Variants in ERLEC1 observed in about 807,000 individuals in gnomAD.
ERLEC1 encodes ER lectin.
ERLEC1 carries 47 observed loss-of-function variants against 68.0 expected under a neutral mutation model. The ratio of observed to expected loss-of-function variants is 0.69; its 90% confidence interval spans 0.55 to 0.88. The LOEUF (loss-of-function observed/expected upper bound fraction) is 0.88. ERLEC1 is among the 40% of genes least tolerant of loss of function. The pLI is 0.00. For synonymous variants in ERLEC1, 225 were observed against 203.2 expected (o/e 1.11, Z -0.91); for missense variants, 567 against 583.8 (o/e 0.97, Z 0.30).
intron 8 of ERLEC1, among the ~76,000 whole-genome samples, chr2:53,807,305 T>C (rs1403242591): frequency 1.3e-5 from 2 of 152,228 alleles, no homozygotes; most frequent in Non-Finnish European, 2.9e-5. Flanking sequence ...CAAGAATTGA[T>C]TAAGAGTTTT....
In ERLEC1 at chr2:53,795,454, ACACACG is replaced by A. The variant is rs979337987; in HGVS notation, c.268-472_268-467del. 1.5e-3 allele frequency among the ~76,000 whole-genome samples: 223 copies of A among 152,332 alleles called. 1 individual carries two copies. Among genetic ancestry groups the A allele is most frequent in the African/African-American group, 5.2e-3 (217 of 41,572 alleles). Reference sequence around the variant, plus strand: ...TTTTAAGTCTCCTTGAGACACACACACACACGCACACGGCATTCAAATCTGAAATGT... The same window carrying A: ...TTTTAAGTCTCCTTGAGACACACACACACACGGCATTCAAATCTGAAATGT... On this transcript the variant is annotated intron_variant, in intron 2 of 13. Transcript: ENST00000185150.
intron 5 of ERLEC1, among the ~76,000 whole-genome samples, chr2:53,798,056 G>A (rs1017324525): frequency 6.6e-6 from 1 of 152,022 alleles, no homozygotes; most frequent in Non-Finnish European, 1.5e-5. Flanking sequence ...TTAGCCGGGC[G>A]TGGTGGCAGA....
intron 1 of ERLEC1, 132 bp from the exon 2 acceptor site, chr2:53,794,213 C>T: frequency 2.0e-6 from 1 of 510,430 alleles, no homozygotes; most frequent in Non-Finnish European, 3.5e-6. Context: ...CATATTTTCC[C>T]TCCCTTTAAA....
chr2:53,805,142 C>A (rs1398453001), intron 8 of ERLEC1, among the ~76,000 whole-genome samples: 5 of 151,780 alleles, frequency 3.3e-5, no homozygotes. Flanking sequence ...CCTGCCTCAG[C>A]CTCCTGAGTA....
chr2:53,804,245 A>G (rs1676159087), intron 8 of ERLEC1, among the ~76,000 whole-genome samples: 1 of 151,898 alleles, frequency 6.6e-6, no homozygotes, highest in African/African-American at 2.4e-5. Context: ...TTTTACATAT[A>G]CTCTTTTGTT....
chr2:53,803,381 A>G (rs17045241), intron 8 of ERLEC1, among the ~76,000 whole-genome samples: 11,353 of 152,256 alleles, frequency 0.075, 710 homozygotes, highest in East Asian at 0.29. Flanking sequence ...ATACTGGCAC[A>G]TACTTAAAAG....
At chr2:53,810,310 A>G (rs1676522897) in intron 10 of ERLEC1, among the ~76,000 whole-genome samples, 1 of 152,104 alleles carries the variant, frequency 6.6e-6, no homozygotes, top group African/African-American at 2.4e-5. Context: ...TCTCTACAAA[A>G]AATTTTAAAA....
chr2:53,794,302 A>G (rs374582392), intron 1 of ERLEC1, 43 bp from the exon 2 acceptor site: 110 of 863,484 alleles, frequency 1.3e-4, no homozygotes, highest in Middle Eastern at 4.6e-4. Context: ...GTGTGATACA[A>G]TTTCACGGAG....
chr2:53,818,095 A>G lies in ERLEC1; in HGVS notation c.*126A>G. 1 of 640,018 alleles carries G rather than the reference A, an allele frequency of 1.6e-6. No homozygotes were observed. Among genetic ancestry groups the G allele is most frequent in the East Asian group, 2.6e-5 (1 of 37,808 alleles). 39.6% of individuals were successfully genotyped at this position (640,018 alleles called of 1,614,324 possible). On this transcript the variant is annotated 3_prime_UTR_variant, in exon 14 of 14. Transcript: ENST00000185150. ...AAAGGATGGTATAAAATGACTCTCA[A>G]CCACTTTGTGAATACATATGTGTAT...
At chr2:53,797,398 A>C in intron 3 of ERLEC1, 117 bp from the exon 4 acceptor site, 1 of 683,284 alleles carries the variant, frequency 1.5e-6, no homozygotes. Context: ...TATAAGTGTC[A>C]TTTAATGAAA....
chr2:53,814,184 C>T lies in ERLEC1; in HGVS notation c.1227-359C>T, dbSNP rs147146462. On this transcript the variant is annotated intron_variant, in intron 11 of 13. Coordinates refer to ENST00000185150, the MANE Select transcript of ERLEC1 (RefSeq NM_015701.5). ...TTAATGGGAGTAGCTTGATGGAGGA[C>T]GGAAGCAAAGAACTGTTTTACAAAA... Among the ~76,000 whole-genome samples the T allele has an allele frequency of 1.4e-4, 22 of 151,958 alleles. No homozygotes were observed. The East Asian group carries it at 3.5e-3, about 24-fold the overall frequency.
chr2:53,797,659 A>T, intron 4 of ERLEC1, 67 bp downstream of exon 4: 1 of 1,558,964 alleles, frequency 6.4e-7, no homozygotes, highest in Non-Finnish European at 8.8e-7. Flanking sequence ...TGAGATTGAT[A>T]GTTTTAAAGT....
chr2:53,799,001 A>G (rs1196295781), intron 5 of ERLEC1, 46 bp from the exon 6 acceptor site: 2 of 1,580,496 alleles, frequency 1.3e-6, no homozygotes, highest in Admixed American at 1.7e-5. Context: ...CATTTGTACC[A>G]CATATGTCAC....
chr2:53,799,167 CT>C, intron 6 of ERLEC1, 86 bp downstream of exon 6: 1 of 1,084,380 alleles, frequency 9.2e-7, no homozygotes, highest in Non-Finnish European at 1.4e-6. Flanking sequence ...CAGAATATAT[CT>C]TTATGTTCTT....
intron 11 of ERLEC1, among the ~76,000 whole-genome samples, chr2:53,813,950 T>C (rs114311990): frequency 0.02 from 3,021 of 152,292 alleles, 32 homozygotes; most frequent in Middle Eastern, 0.058. Context: ...CCCACAGACA[T>C]TTAATTATTG....
At chr2:53,816,265 GTTTT>G (rs57918616) in intron 13 of ERLEC1, among the ~76,000 whole-genome samples, 3 of 121,798 alleles carry the variant, frequency 2.5e-5, no homozygotes, top group East Asian at 4.7e-4. Flanking sequence ...GTTTTGGTTG[GTTTT>G]TTTTTTTTTT....
intron 12 of ERLEC1, 36 bp downstream of exon 12, chr2:53,814,656 G>T (rs367895248): frequency 1.1e-5 from 16 of 1,479,034 alleles, no homozygotes; most frequent in African/African-American, 1.4e-5. Flanking sequence ...GTATGCCTTT[G>T]TCTTTTAACT....
At position 53,808,284 on chromosome 2, in the gene ERLEC1, T is replaced by G. The variant is rs1322409233; in HGVS notation, c.880-15T>G. On this transcript the variant is annotated splice_polypyrimidine_tract_variant and intron_variant, in intron 8 of 13. Transcript: ENST00000185150. ...TTTGGCATGGAAACCCTTAAACGTG[T>G]GTGTTTAATTTTAGGAAGATTTGCA... 5 of 1,610,020 alleles carry G rather than the reference T, an allele frequency of 3.1e-6. No individual in the cohort carries two copies. The highest frequency in any genetic ancestry group is 4.2e-6 in the Non-Finnish European group (5 of 1,178,916).
intron 9 of ERLEC1, 97 bp from the exon 10 acceptor site, chr2:53,809,117 G>C: frequency 1.2e-6 from 1 of 826,066 alleles, no homozygotes; most frequent in South Asian, 1.7e-5. Context: ...TGCTTTTACA[G>C]GTTTTAAAAA....
Sources: allele counts gnomAD v4.1 joint callset (sites outside exome capture counted in the v4.1 genomes callset), GRCh38; gene constraint gnomAD v4.1.1; transcripts MANE v1.5; gene names NCBI Gene and HGNC (gene_info 2026-07-23, HGNC 2026-07-21).